SLC35G2: variants seen among roughly 807,000 people sequenced by gnomAD.
SLC35G2 encodes solute carrier family 35 member G2, also known as transmembrane protein 22.
Under a neutral mutation model 27.2 loss-of-function variants are expected in SLC35G2, and 20 were observed. That is an observed-to-expected ratio of 0.74 (90% CI 0.52 to 1.07). The LOEUF (loss-of-function observed/expected upper bound fraction) is 1.07, where lower values mean the gene tolerates loss of function less well. Ranked by LOEUF, SLC35G2 falls within the 50% of genes least tolerant of loss-of-function variation. The pLI is 0.00. For synonymous variants in SLC35G2, 148 were observed against 165.3 expected, an observed-to-expected ratio of 0.90 and a Z score of 0.80; for missense variants, 416 against 493.3, an observed-to-expected ratio of 0.84 and a Z score of 1.48.
chr3:136,830,189 A>G (rs945376239), intron 1 of SLC35G2, among the ~76,000 whole-genome samples: 7 of 146,486 alleles, frequency 4.8e-5, no homozygotes, highest in East Asian at 2.0e-4. Flanking sequence ...GCTCACTGCA[A>G]TCTCCGCCTC....
intron 1 of SLC35G2, among the ~76,000 whole-genome samples, chr3:136,848,290 T>A (rs1937484905): frequency 6.6e-6 from 1 of 152,148 alleles, no homozygotes; most frequent in African/African-American, 2.4e-5. Flanking sequence ...CTTAGATAGA[T>A]TAGTGTTTGA....
chr3:136,845,889 C>T (rs570112899), intron 1 of SLC35G2, among the ~76,000 whole-genome samples: 2 of 149,796 alleles, frequency 1.3e-5, no homozygotes, highest in African/African-American at 2.5e-5. Context: ...CCACCGCACC[C>T]GGCCGTAAAA....
At chr3:136,850,014 G>A (rs549062472) in intron 1 of SLC35G2, among the ~76,000 whole-genome samples, 1 of 152,280 alleles carries the variant, frequency 6.6e-6, no homozygotes, top group Non-Finnish European at 1.5e-5. Context: ...GGCTGAGGCA[G>A]GAGAATCTCT....
chr3:136,847,139 T>G (rs9847548), intron 1 of SLC35G2, among the ~76,000 whole-genome samples: 1 of 151,874 alleles, frequency 6.6e-6, no homozygotes, highest in Non-Finnish European at 1.5e-5. Flanking sequence ...ATCATGCCAC[T>G]ACATTCTAGC....
chr3:136,837,972 A>G (rs1161696797), intron 1 of SLC35G2: 1 of 151,584 alleles, frequency 6.6e-6, no homozygotes, highest in Non-Finnish European at 1.5e-5. Context: ...CCATGTATAC[A>G]GCTGGGACTA....
intron 1 of SLC35G2, among the ~76,000 whole-genome samples, chr3:136,848,233 A>G (rs1004131873): frequency 5.3e-5 from 8 of 152,236 alleles, no homozygotes; most frequent in African/African-American, 1.4e-4. Flanking sequence ...TTTACAGCAA[A>G]CAAAAGGGAC....
rs764612718 is a variant in SLC35G2 at position 136,841,268 on chromosome 3, A to G, written c.-18-13175A>G. Among the ~76,000 whole-genome samples, 37 of 152,296 alleles carry G rather than the reference A, an allele frequency of 2.4e-4. 1 individual carries two copies. Among genetic ancestry groups the G allele is most frequent in the Middle Eastern group, 3.4e-3 (1 of 294 alleles). ...TGCACCCTATCTAAAGGATGGACAC[A>G]ACACCAAAACTAGATTCCGGAATGT... On this transcript the variant is annotated intron_variant, in intron 1 of 1. Transcript: ENST00000446465.
At chr3:136,819,676 A>T (rs1366866368) in intron 1 of SLC35G2, 48 bp downstream of exon 1, 1 of 152,276 alleles carries the variant, frequency 6.6e-6, no homozygotes, top group Non-Finnish European at 1.5e-5. Context: ...TACAAGTTTT[A>T]AAAAAGGCTG....
chr3:136,824,642 G>GT (rs1394253112), intron 1 of SLC35G2, among the ~76,000 whole-genome samples: 1 of 152,144 alleles, frequency 6.6e-6, no homozygotes, highest in African/African-American at 2.4e-5. Flanking sequence ...AGTTCTAGCA[G>GT]TTTTTTGCCA....
At chr3:136,850,450 C>T (rs1937588095) in intron 1 of SLC35G2, among the ~76,000 whole-genome samples, 1 of 151,964 alleles carries the variant, frequency 6.6e-6, no homozygotes, top group Admixed American at 6.6e-5. Context: ...CATATCTTTT[C>T]AATTAGGCAT....
At chr3:136,842,869 A>G (rs899366871) in intron 1 of SLC35G2, 2 of 152,274 alleles carry the variant, frequency 1.3e-5, no homozygotes, top group African/African-American at 4.8e-5. Flanking sequence ...AGGAGTGGAC[A>G]TGGCAGCTTA....
In SLC35G2 at chr3:136,854,964, C is replaced by T. The variant is rs1053923812; in HGVS notation, c.504C>T (p.Leu168=). 1.9e-6 allele frequency: 3 copies of T among 1,614,104 alleles called. No homozygotes were observed. The highest frequency in any genetic ancestry group is 1.1e-5 in the South Asian group (1 of 91,088). ...PFGPSGYRLR[L]FFYGVCNVIS... is the part of the protein sequence containing the mutation. Reference sequence around the variant, plus strand: ...GACCCAGTGGATACAGATTACGACTCTTCTTTTATGGTGTATGCAATGTCA... The same window carrying T: ...GACCCAGTGGATACAGATTACGACTTTTCTTTTATGGTGTATGCAATGTCA... Residue 168 remains leucine (L), a synonymous_variant, in exon 2 of 2, where the codon CTC becomes CTT. Coordinates refer to ENST00000446465, the MANE Select transcript of SLC35G2 (RefSeq NM_025246.3).
intron 1 of SLC35G2, among the ~76,000 whole-genome samples, chr3:136,823,019 A>T (rs7628050): frequency 1 from 152,286 of 152,362 alleles, 76,105 homozygotes; most frequent in Middle Eastern, 1. Context: ...CTAATTAATA[A>T]TCTCACCAAC....
intron 1 of SLC35G2, among the ~76,000 whole-genome samples, chr3:136,841,259 GA>G (rs946391007): frequency 6.6e-6 from 1 of 152,078 alleles, no homozygotes; most frequent in Non-Finnish European, 1.5e-5. Context: ...CTATCTAAAG[GA>G]TGGACACAAC....
At chr3:136,830,849 A>C (rs147837053) in intron 1 of SLC35G2, among the ~76,000 whole-genome samples, 59 of 152,214 alleles carry the variant, frequency 3.9e-4, no homozygotes, top group African/African-American at 1.3e-3. Flanking sequence ...TGCATTCTTC[A>C]GTATGTCAAT....
At chr3:136,829,345 C>T (rs1379882564) in intron 1 of SLC35G2, among the ~76,000 whole-genome samples, 2 of 151,992 alleles carry the variant, frequency 1.3e-5, no homozygotes, top group African/African-American at 4.8e-5. Context: ...CCTCAGCCTC[C>T]CAAGTAGCTG....
At chr3:136,846,055 T>G (rs1937362901) in intron 1 of SLC35G2, among the ~76,000 whole-genome samples, 1 of 152,082 alleles carries the variant, frequency 6.6e-6, no homozygotes, top group Admixed American at 6.6e-5. Flanking sequence ...GTGGGCATCG[T>G]CCAATCAGTT....
chr3:136,835,050 A>G (rs757468100), intron 1 of SLC35G2, among the ~76,000 whole-genome samples: 9 of 152,208 alleles, frequency 5.9e-5, no homozygotes, highest in Non-Finnish European at 1.3e-4. Flanking sequence ...CTCCTGCATA[A>G]CCACAGTGTT....
At chr3:136,829,712 T>C (rs67566679) in intron 1 of SLC35G2, among the ~76,000 whole-genome samples, 2 of 137,952 alleles carry the variant, frequency 1.4e-5, no homozygotes, top group East Asian at 2.2e-4. Flanking sequence ...ATTTTTTTTT[T>C]CCCCCTTGGC....
Sources: gnomAD v4.1 joint callset for allele counts (sites outside exome capture counted in the v4.1 genomes callset) on GRCh38, gnomAD v4.1.1 for gene constraint, MANE v1.5 for transcripts, NCBI Gene and HGNC (gene_info 2026-07-23, HGNC 2026-07-21) for gene names.